Variants in TMEFF2 observed in about 807,000 individuals in gnomAD.
The protein encoded by TMEFF2 is tomoregulin-2.
TMEFF2 carries 28 observed loss-of-function variants against 53.8 expected under a neutral mutation model. The ratio of observed to expected loss-of-function variants is 0.52; its 90% confidence interval spans 0.39 to 0.71. The LOEUF is 0.71. Ranked by LOEUF, TMEFF2 falls within the 30% of genes least tolerant of loss-of-function variation. The pLI is 0.00. For synonymous variants in TMEFF2, 162 were observed against 166.3 expected, an observed-to-expected ratio of 0.97 and a Z score of 0.20; for missense variants, 353 against 455.2, an observed-to-expected ratio of 0.78 and a Z score of 2.04.
intron 4 of TMEFF2, among the ~76,000 whole-genome samples, chr2:192,103,267 G>GT (rs1559127499): frequency 1.3e-5 from 2 of 152,140 alleles, no homozygotes. Flanking sequence ...AATTGCTGTC[G>GT]TATTTCCTTT....
chr2:192,012,784 G>T (rs1257600329), intron 5 of TMEFF2, among the ~76,000 whole-genome samples: 1 of 151,950 alleles, frequency 6.6e-6, no homozygotes, highest in Non-Finnish European at 1.5e-5. Flanking sequence ...GAGTCACTTG[G>T]ATCACAAAAT....
chr2:192,181,817 A>G (rs1457572614), intron 3 of TMEFF2, among the ~76,000 whole-genome samples: 1 of 151,832 alleles, frequency 6.6e-6, no homozygotes, highest in Non-Finnish European at 1.5e-5. Context: ...ATTTGACACA[A>G]ATGAAACAGC....
rs377733339 is a variant in TMEFF2, at chr2:192,100,204, G to A, written c.440-42429C>T. Among the ~76,000 whole-genome samples, 7 of 152,168 alleles carry A rather than the reference G, an allele frequency of 4.6e-5. No individual in the cohort carries two copies. The East Asian group carries it at 1.4e-3, about 29-fold the overall frequency. ...AGACTGGTTTTACTTAAAATACACT[G>A]CGCACATTTCAAGGTAATTTCTTGA... On this transcript the variant is annotated intron_variant, in intron 4 of 9. Transcript: ENST00000272771.
intron 4 of TMEFF2, among the ~76,000 whole-genome samples, chr2:192,125,243 G>A (rs1689649384): frequency 6.6e-6 from 1 of 152,084 alleles, no homozygotes; most frequent in Non-Finnish European, 1.5e-5. Flanking sequence ...TTTTAAACTA[G>A]AAGTGAGATC....
chr2:192,156,343 CTA>C (rs1690505945), intron 4 of TMEFF2, among the ~76,000 whole-genome samples: 1 of 151,976 alleles, frequency 6.6e-6, no homozygotes, highest in African/African-American at 2.4e-5. Flanking sequence ...CAAAACAACT[CTA>C]TGAGGCAGAA....
chr2:192,115,293 CA>C (rs990797024), intron 4 of TMEFF2, among the ~76,000 whole-genome samples: 1 of 151,796 alleles, frequency 6.6e-6, no homozygotes, highest in Admixed American at 6.6e-5. Flanking sequence ...GTATATAAGA[CA>C]AACTAATCTT....
chr2:192,126,320 T>C (rs1267075040), intron 4 of TMEFF2, among the ~76,000 whole-genome samples: 1 of 152,236 alleles, frequency 6.6e-6, no homozygotes, highest in Non-Finnish European at 1.5e-5. Context: ...TAACTTACCA[T>C]TTCTTTTCTA....
intron 4 of TMEFF2, among the ~76,000 whole-genome samples, chr2:192,081,965 T>C (rs1300036177): frequency 2.0e-5 from 3 of 151,998 alleles, no homozygotes; most frequent in Non-Finnish European, 1.5e-5. Flanking sequence ...CATGCCAGGC[T>C]AATTTTTTGT....
intron 7 of TMEFF2, among the ~76,000 whole-genome samples, chr2:191,981,774 G>A (rs1187743811): frequency 1.3e-5 from 2 of 152,104 alleles, no homozygotes; most frequent in Admixed American, 1.3e-4. Flanking sequence ...ACCAGCATCG[G>A]TAATACATTT....
intron 4 of TMEFF2, among the ~76,000 whole-genome samples, chr2:192,072,219 T>C (rs1688308421): frequency 1.3e-5 from 2 of 151,938 alleles, no homozygotes; most frequent in African/African-American, 4.8e-5. Flanking sequence ...ATAGAGCTAA[T>C]ATTGATAATA....
chr2:192,187,130 A>G (rs1023958935), intron 2 of TMEFF2, among the ~76,000 whole-genome samples: 3 of 152,184 alleles, frequency 2.0e-5, no homozygotes, highest in African/African-American at 7.2e-5. Flanking sequence ...CACGCTGTAA[A>G]TCATGAAAGC....
chr2:192,121,919 T>C (rs1188708872), intron 4 of TMEFF2, among the ~76,000 whole-genome samples: 1 of 152,192 alleles, frequency 6.6e-6, no homozygotes, highest in African/African-American at 2.4e-5. Context: ...AAAGAAATGC[T>C]GGATGGATAA....
At chr2:192,046,850 T>C (rs1017374849) in intron 5 of TMEFF2, among the ~76,000 whole-genome samples, 29 of 152,142 alleles carry the variant, frequency 1.9e-4, no homozygotes, top group African/African-American at 7.0e-4. Flanking sequence ...TCATTATTGA[T>C]AATTTGATGT....
intron 5 of TMEFF2, among the ~76,000 whole-genome samples, chr2:192,030,876 T>A (rs1281434935): frequency 1.3e-5 from 2 of 152,138 alleles, no homozygotes; most frequent in Non-Finnish European, 2.9e-5. Context: ...GGTTAATTCT[T>A]CGCCTGCATG....
chr2:192,006,267 A>G (rs1409390211), intron 5 of TMEFF2, among the ~76,000 whole-genome samples: 1 of 152,166 alleles, frequency 6.6e-6, no homozygotes, highest in Admixed American at 6.6e-5. Flanking sequence ...TTGGCCCATT[A>G]CATGGGGAAG....
chr2:192,011,221 T>A (rs1327774265), intron 5 of TMEFF2, among the ~76,000 whole-genome samples: 1 of 152,160 alleles, frequency 6.6e-6, no homozygotes, highest in Admixed American at 6.5e-5. Context: ...CCTGGACACT[T>A]ACAAATCACT....
At chr2:192,042,182 T>C (rs971883081) in intron 5 of TMEFF2, among the ~76,000 whole-genome samples, 1 of 150,714 alleles carries the variant, frequency 6.6e-6, no homozygotes, top group African/African-American at 2.4e-5. Flanking sequence ...GCCTGGGCAG[T>C]AGAGTGAGAC....
At chr2:191,974,646 G>A (rs1559068188) in intron 7 of TMEFF2, among the ~76,000 whole-genome samples, 1 of 151,942 alleles carries the variant, frequency 6.6e-6, no homozygotes, top group Non-Finnish European at 1.5e-5. Flanking sequence ...CTTAGTTTAT[G>A]CAAATGGCAT....
At chr2:192,163,619 A>G (rs567435733) in intron 4 of TMEFF2, among the ~76,000 whole-genome samples, 1 of 152,362 alleles carries the variant, frequency 6.6e-6, no homozygotes, top group Non-Finnish European at 1.5e-5. Context: ...AAAAGCCACT[A>G]GTTAACAACC....
Sources: allele counts gnomAD v4.1 joint callset (sites outside exome capture counted in the v4.1 genomes callset), GRCh38; gene constraint gnomAD v4.1.1; transcripts MANE v1.5; gene names NCBI Gene and HGNC (gene_info 2026-07-23, HGNC 2026-07-21).